HDHD2: variants seen among roughly 807,000 people sequenced by gnomAD.
HDHD2 encodes the protein haloacid dehalogenase like hydrolase domain containing 2, also known as haloacid dehalogenase-like hydrolase domain-containing protein 2.
A neutral mutation model predicts 24.8 loss-of-function variants in HDHD2; 26 were observed. That is an observed-to-expected ratio of 1.05 (90% CI 0.77 to 1.45). The LOEUF (loss-of-function observed/expected upper bound fraction) is 1.45. Among genes scored for constraint, HDHD2 ranks in the 40% most tolerant of loss-of-function variants. The pLI is 0.00. For missense variants in HDHD2, 299 were observed against 313.4 expected (o/e 0.95, Z 0.35); for synonymous variants, 128 against 114.9 (o/e 1.11, Z -0.73).
chr18:47,149,911 G>A (rs545318418), intron 1 of HDHD2, among the ~76,000 whole-genome samples: 1 of 152,234 alleles, frequency 6.6e-6, no homozygotes, highest in East Asian at 1.9e-4. Flanking sequence ...CATGAATCCC[G>A]GTGTCCACAG....
intron 1 of HDHD2, chr18:47,137,469 A>T: frequency 5.0e-6 from 1 of 201,526 alleles, no homozygotes; most frequent in Non-Finnish European, 1.0e-5. Context: ...TAACTGGTAT[A>T]TGTGCACAAG....
intron 4 of HDHD2, among the ~76,000 whole-genome samples, chr18:47,128,678 T>A (rs749384782): frequency 3.3e-5 from 5 of 152,250 alleles, no homozygotes; most frequent in African/African-American, 4.8e-5. Flanking sequence ...AGCTTGACTA[T>A]CACAGTGACT....
chr18:47,114,860 T>A (rs2063544703), intron 5 of HDHD2, among the ~76,000 whole-genome samples: 1 of 151,228 alleles, frequency 6.6e-6, no homozygotes, highest in Admixed American at 6.6e-5. Context: ...AATATATATA[T>A]ATTATAGGAG....
intron 1 of HDHD2, among the ~76,000 whole-genome samples, chr18:47,145,266 A>C (rs2063858071): frequency 6.6e-6 from 1 of 152,254 alleles, no homozygotes; most frequent in African/African-American, 2.4e-5. Context: ...ATAAGCTGAT[A>C]CTAAAATGTT....
chr18:47,123,595 CAAA>C (rs1205660069), intron 4 of HDHD2, among the ~76,000 whole-genome samples: 1 of 151,728 alleles, frequency 6.6e-6, no homozygotes, highest in Non-Finnish European at 1.5e-5. Flanking sequence ...CTCAGAAAAA[CAAA>C]AACAAAAATA....
At chr18:47,119,524 A>G (rs559496152) in intron 4 of HDHD2, among the ~76,000 whole-genome samples, 25 of 152,332 alleles carry the variant, frequency 1.6e-4, no homozygotes, top group African/African-American at 6.0e-4. Context: ...GCGATTCAGT[A>G]ACATCTTCAG....
At chr18:47,129,752 T>C (rs1295949217) in intron 4 of HDHD2, among the ~76,000 whole-genome samples, 1 of 152,148 alleles carries the variant, frequency 6.6e-6, no homozygotes, top group Non-Finnish European at 1.5e-5. Flanking sequence ...GCATAGTCAG[T>C]AGAGAATCAT....
intron 1 of HDHD2, among the ~76,000 whole-genome samples, chr18:47,145,985 A>G (rs1404675448): frequency 6.6e-6 from 1 of 152,174 alleles, no homozygotes; most frequent in Non-Finnish European, 1.5e-5. Flanking sequence ...TAATCTCAGC[A>G]GTTTGGGAAG....
At chr18:47,133,549 T>A (rs987260415) in intron 3 of HDHD2, among the ~76,000 whole-genome samples, 1 of 149,304 alleles carries the variant, frequency 6.7e-6, no homozygotes, top group Non-Finnish European at 1.5e-5. Flanking sequence ...CCTTGAGGAA[T>A]CGCCACACTG....
chr18:47,123,026 C>G (rs190295014), intron 4 of HDHD2, among the ~76,000 whole-genome samples: 1 of 152,048 alleles, frequency 6.6e-6, no homozygotes, highest in Non-Finnish European at 1.5e-5. Flanking sequence ...CTACTATCAC[C>G]ATGTTTATTA....
At chr18:47,113,098 C>T (rs1232355235) in intron 5 of HDHD2, 58 bp from the exon 6 acceptor site, 1 of 1,396,242 alleles carries the variant, frequency 7.2e-7, no homozygotes, top group Non-Finnish European at 1.0e-6. Flanking sequence ...AGCCAACAAA[C>T]ATTACCAACT....
rs1378144188 is a variant in HDHD2 at position 47,108,546 on chromosome 18, T to C, written c.*136A>G. ...CGCAATTCAATACCTTTCTTTCTAATTAATGCACAACAAAAGAGGGTTAAA... is the reference window on the plus strand; with the variant it reads ...CGCAATTCAATACCTTTCTTTCTAACTAATGCACAACAAAAGAGGGTTAAA... On this transcript the variant is annotated 3_prime_UTR_variant, in exon 7 of 7. Transcript: ENST00000300605. The C allele has an allele frequency of 2.0e-6, 1 of 507,460 alleles. No homozygotes were observed. The highest frequency in any genetic ancestry group is 2.0e-5 in the African/African-American group (1 of 50,140). The allele number at this position is 507,460 out of a possible 1,614,324, so 31.4% of individuals were successfully genotyped here. A position where few individuals can be genotyped will look rare whatever the true frequency, so the allele number is the denominator to read the frequency against.
intron 1 of HDHD2, 151 bp downstream of exon 1, chr18:47,150,227 G>C (rs772194269): frequency 6.6e-6 from 1 of 152,316 alleles, no homozygotes; most frequent in Non-Finnish European, 1.5e-5. Context: ...CGGAAAACAG[G>C]GAATGCGCAC....
chr18:47,141,674 T>C (rs191698797), intron 1 of HDHD2, among the ~76,000 whole-genome samples: 1 of 152,356 alleles, frequency 6.6e-6, no homozygotes, highest in Non-Finnish European at 1.5e-5. Flanking sequence ...TGTTTTAGCT[T>C]TGGCCATTGA....
chr18:47,117,090 T>G (rs1329214864), intron 4 of HDHD2, among the ~76,000 whole-genome samples: 1 of 152,216 alleles, frequency 6.6e-6, no homozygotes, highest in Non-Finnish European at 1.5e-5. Flanking sequence ...TAAGCTTTAC[T>G]GAATCTTTGA....
chr18:47,136,162 A>T (rs374918273), intron 2 of HDHD2, 177 bp downstream of exon 2: 45 of 706,472 alleles, frequency 6.4e-5, no homozygotes, highest in African/African-American at 6.4e-4. Context: ...AAGGCTTAGA[A>T]AACAATGTTT....
At chr18:47,143,022 C>T (rs1241760794) in intron 1 of HDHD2, among the ~76,000 whole-genome samples, 1 of 151,936 alleles carries the variant, frequency 6.6e-6, no homozygotes, top group African/African-American at 2.4e-5. Flanking sequence ...ATCTTTGGCA[C>T]ATTATTTATA....
At position 47,134,080 on chromosome 18, in the gene HDHD2, G is replaced by C. The variant is rs192068689; in HGVS notation, c.310+416C>G. ...CCTATGTCCTGAATGGTATTGCCTA[G>C]GTTTTCTTCTAGGGTTTTTATGGTT... On this transcript the variant is annotated intron_variant, in intron 3 of 6. Transcript: ENST00000300605. 8.3e-4 allele frequency among the ~76,000 whole-genome samples: 127 copies of C among 152,244 alleles called. 1 individual carries two copies. The highest frequency in any genetic ancestry group is 2.9e-3 in the African/African-American group (122 of 41,540).
intron 4 of HDHD2, among the ~76,000 whole-genome samples, chr18:47,119,708 T>G (rs1317513230): frequency 6.6e-6 from 1 of 152,368 alleles, no homozygotes; most frequent in South Asian, 2.1e-4. Flanking sequence ...CTTAATGGCA[T>G]CTAGAATGTT....
Sources: allele counts gnomAD v4.1 joint callset (sites outside exome capture counted in the v4.1 genomes callset), GRCh38; gene constraint gnomAD v4.1.1; transcripts MANE v1.5; gene names NCBI Gene and HGNC (gene_info 2026-07-23, HGNC 2026-07-21).